NOSIP: variants seen among roughly 807,000 people sequenced by gnomAD.
NOSIP encodes nitric oxide synthase-interacting protein.
In NOSIP, 25 loss-of-function variants were observed where a neutral mutation model predicts 36.4. That is an observed-to-expected ratio of 0.69 (90% CI 0.50 to 0.96). The LOEUF (loss-of-function observed/expected upper bound fraction) is 0.96, where lower values mean the gene tolerates loss of function less well. NOSIP is among the 40% of genes least tolerant of loss of function. The pLI, the probability that NOSIP is intolerant of heterozygous loss-of-function variation, is 0.00. For synonymous variants in NOSIP, 187 were observed against 179.2 expected, an observed-to-expected ratio of 1.04 and a Z score of -0.35; for missense variants, 370 against 429.0, an observed-to-expected ratio of 0.86 and a Z score of 1.21.
intron 1 of NOSIP, among the ~76,000 whole-genome samples, chr19:49,564,929 G>A (rs1243593777): frequency 6.6e-6 from 1 of 152,044 alleles, no homozygotes; most frequent in African/African-American, 2.4e-5. Context: ...AAAACTTACT[G>A]TATGATCCCA....
intron 1 of NOSIP, among the ~76,000 whole-genome samples, chr19:49,575,276 G>T (rs2080537040): frequency 6.6e-6 from 1 of 152,186 alleles, no homozygotes. Context: ...TGGGATTATA[G>T]GCATGAGCCA....
chr19:49,577,767 G>GGAA (rs1555737300), intron 1 of NOSIP, among the ~76,000 whole-genome samples: 3 of 121,682 alleles, frequency 2.5e-5, no homozygotes, highest in Admixed American at 9.7e-5. Context: ...CGTGTCTCGG[G>GGAA]AAAAAAAAAA....
In NOSIP at chr19:49,557,114, T is replaced by C. The variant is rs1259184349; in HGVS notation, c.394A>G (p.Lys132Glu). Residue 132 changes from lysine (K) to glutamate (E), a missense_variant, in exon 5 of 9, where the codon AAG (lysine) becomes GAG (glutamate). Around this residue, in one of 3 missense-constraint regions of NOSIP, gnomAD observed 315 missense variants for 331.9 expected, o/e 0.95. Coordinates refer to ENST00000596358, the MANE Select transcript of NOSIP (RefSeq NM_001270960.2). ...CCTGGGCTGGTGCCCGAGAGGGCCT[T>C]GGCTGTGAAAGGGTTGAGGGGCCGG... is the stretch of plus-strand genomic sequence containing the variant. Reference protein sequence around the residue: ...VSRPLNPFTAKALSGTSPDDV... With the variant: ...VSRPLNPFTAEALSGTSPDDV... 6.2e-7 allele frequency: 1 copy of C among 1,612,762 alleles called. No homozygotes were observed. The highest frequency in any genetic ancestry group is 1.3e-5 in the African/African-American group (1 of 74,902).
intron 3 of NOSIP, chr19:49,559,277 C>A: frequency 6.4e-6 from 2 of 310,950 alleles, no homozygotes; most frequent in Non-Finnish European, 1.2e-5. Context: ...ATTCTCTCAG[C>A]AACAATGTGT....
At chr19:49,564,105 AT>A in intron 1 of NOSIP, among the ~76,000 whole-genome samples, 1 of 152,296 alleles carries the variant, frequency 6.6e-6, no homozygotes, top group East Asian at 1.9e-4. Context: ...ATTAGTAGTA[AT>A]TTGTTACAAC....
chr19:49,572,065 A>C (rs1190053424), intron 1 of NOSIP, among the ~76,000 whole-genome samples: 4 of 150,524 alleles, frequency 2.7e-5, no homozygotes, highest in Non-Finnish European at 5.9e-5. Flanking sequence ...CTTTCAGCAC[A>C]TCTCAGTAAT....
chr19:49,556,247 C>A, intron 8 of NOSIP, 70 bp downstream of exon 8: 2 of 808,152 alleles, frequency 2.5e-6, no homozygotes, highest in Non-Finnish European at 3.7e-6. Context: ...GGGGACGAAG[C>A]CTTGGAGGGG....
rs1244399060 is a variant in NOSIP at position 49,556,932 on chromosome 19, G to C, written c.480C>G (p.Pro160=). 1 of 1,613,416 alleles carries C rather than the reference G, an allele frequency of 6.2e-7. No individual in the cohort carries two copies. Among genetic ancestry groups the C allele is most frequent in the South Asian group, 1.1e-5 (1 of 90,980 alleles). Residue 160 remains proline (P), a synonymous_variant, in exon 6 of 9, where the codon CCC becomes CCG. Transcript: ENST00000596358. ...GCGTCAGCGACGGGATCCAGAAGCT[G>C]GGCAGCACTTTGTCCTTGTCCTTAC... is the stretch of plus-strand genomic sequence containing the variant. ...PPSKDKDKVL[P]SFWIPSLTPE...
intron 1 of NOSIP, among the ~76,000 whole-genome samples, chr19:49,563,303 G>C (rs527411661): frequency 1.3e-5 from 2 of 151,842 alleles, no homozygotes; most frequent in South Asian, 4.2e-4. Context: ...AGCCTCTCGA[G>C]TAGCTGGGAC....
chr19:49,570,711 C>T (rs1416370833), intron 1 of NOSIP, among the ~76,000 whole-genome samples: 1 of 152,106 alleles, frequency 6.6e-6, no homozygotes, highest in East Asian at 1.9e-4. Flanking sequence ...CTGTTGCCTC[C>T]CCTCACCTGC....
At chr19:49,558,748 C>A (rs965583034) in intron 4 of NOSIP, 149 bp downstream of exon 4, 3 of 717,822 alleles carry the variant, frequency 4.2e-6, no homozygotes, top group Admixed American at 4.1e-5. Context: ...GGGCTGAAAT[C>A]GGTGAGAAGG....
Position 49,560,799 on chromosome 19 carries a change from G to A in NOSIP, c.-1-107C>T, listed in dbSNP as rs1166332652. On this transcript the variant is annotated intron_variant, in intron 1 of 8. Transcript: ENST00000596358. This position sits in a 1 kb window ranked among gnomAD's most constrained non-coding sequence, Gnocchi z 4.6. ...ATCTGCCCCCCTTGATGGGAAAGCG[G>A]AGGCGGAGAAGGGGGGTGAGGTGGA... 2 of 873,592 alleles carry A rather than the reference G, an allele frequency of 2.3e-6. No individual in the cohort carries two copies. The highest frequency in any genetic ancestry group is 2.7e-5 in the East Asian group (1 of 37,548). 54.1% of individuals were successfully genotyped at this position (873,592 alleles called of 1,614,324 possible).
At chr19:49,578,148 G>C (rs1451881968) in intron 1 of NOSIP, among the ~76,000 whole-genome samples, 2 of 151,544 alleles carry the variant, frequency 1.3e-5, no homozygotes. Context: ...TTTTGAGAGG[G>C]AGTTATGCTC....
Position 49,556,939 on chromosome 19 carries a change from A to T in NOSIP, c.473T>A (p.Val158Glu). 6.2e-7 allele frequency: 1 copy of T among 1,613,284 alleles called. No individual in the cohort carries two copies. Among genetic ancestry groups the T allele is most frequent in the East Asian group, 2.2e-5 (1 of 44,848 alleles). The change falls in exon 6 of 9, where the codon GTG becomes GAG. Residue 158 changes from valine to glutamate, a missense_variant. Transcript: ENST00000596358. ...CGACGGGATCCAGAAGCTGGGCAGC[A>T]CTTTGTCCTTGTCCTTACTTGGAGG... ...VGPPSKDKDK[V>E]LPSFWIPSLT...
At chr19:49,579,865 A>G (rs1341994023) in intron 1 of NOSIP, among the ~76,000 whole-genome samples, 13 of 152,140 alleles carry the variant, frequency 8.5e-5, no homozygotes, top group Non-Finnish European at 1.3e-4. Context: ...TCACTTTTAT[A>G]TAAGTTTGAA....
In NOSIP at chr19:49,560,713, G is replaced by A; in HGVS notation, c.-1-21C>T. On this transcript the variant is annotated intron_variant, in intron 1 of 8. Transcript: ENST00000596358. This position sits in a 1 kb window ranked among gnomAD's most constrained non-coding sequence, Gnocchi z 4.6. ...TCATCCTAGGGAGGAAGGGACAGTG[G>A]CAGGACTGTGGTTACCGGAGGCAGG... 1.3e-6 allele frequency: 2 copies of A among 1,564,296 alleles called. No individual in the cohort carries two copies. The highest frequency in any genetic ancestry group is 1.7e-6 in the Non-Finnish European group (2 of 1,150,508).
chr19:49,575,158 C>T (rs1414725413), intron 1 of NOSIP, among the ~76,000 whole-genome samples: 1 of 152,068 alleles, frequency 6.6e-6, no homozygotes, highest in Admixed American at 6.6e-5. Context: ...CCACTGCGCC[C>T]GGCCTCATTT....
Position 49,556,745 on chromosome 19 carries a change from G to A in NOSIP, c.538-9C>T. On this transcript the variant is annotated splice_polypyrimidine_tract_variant and intron_variant, in intron 6 of 8. Coordinates refer to ENST00000596358, the MANE Select transcript of NOSIP (RefSeq NM_001270960.2). ...CAGGTCACCGTGCGGGACTGCAAGGGGCAGAGAGAGGCGGGCTCAGTAGGC... is the reference window on the plus strand; with the variant it reads ...CAGGTCACCGTGCGGGACTGCAAGGAGCAGAGAGAGGCGGGCTCAGTAGGC... 6.2e-7 allele frequency: 1 copy of A among 1,603,204 alleles called. No individual in the cohort carries two copies. The highest frequency in any genetic ancestry group is 2.2e-5 in the East Asian group (1 of 44,470).
intron 4 of NOSIP, chr19:49,558,235 C>T (rs1040666826): frequency 6.8e-6 from 1 of 147,720 alleles, no homozygotes; most frequent in Non-Finnish European, 1.5e-5. Context: ...TGTCAATTCA[C>T]GTAGCACATC....
Sources: gnomAD v4.1 joint callset for allele counts (sites outside exome capture counted in the v4.1 genomes callset) on GRCh38, gnomAD v4.1.1 for gene constraint, gnomAD v4.1.1 regional missense constraint, Gnocchi (gnomAD v3.1) non-coding constraint, MANE v1.5 for transcripts, NCBI Gene and HGNC (gene_info 2026-07-23, HGNC 2026-07-21) for gene names.